MYO5C: variants seen among roughly 807,000 people sequenced by gnomAD.
MYO5C encodes the protein myosin VC.
A neutral mutation model predicts 235.7 loss-of-function variants in MYO5C; 194 were observed. That is an observed-to-expected ratio of 0.82 (90% CI 0.73 to 0.93). The LOEUF is 0.93. MYO5C is among the 40% of genes least tolerant of loss of function. MYO5C has a pLI of 0.00. For missense variants in MYO5C, 2,038 were observed against 2,127.2 expected, an observed-to-expected ratio of 0.96 and a Z score of 0.82; for synonymous variants, 707 against 754.8, an observed-to-expected ratio of 0.94 and a Z score of 1.04.
At chr15:52,291,731 G>GTGTTTTTT in intron 1 of MYO5C, among the ~76,000 whole-genome samples, 1 of 52,554 alleles carries the variant, frequency 1.9e-5, no homozygotes, top group South Asian at 9.6e-4. Flanking sequence ...CATATTTTAT[G>GTGTTTTTT]TTTTTTTTTT....
At chr15:52,252,950 T>G (rs930402626) in intron 12 of MYO5C, among the ~76,000 whole-genome samples, 2 of 152,192 alleles carry the variant, frequency 1.3e-5, no homozygotes, top group Non-Finnish European at 2.9e-5. Context: ...GATGTTGATT[T>G]TTCTTGATGA....
chr15:52,271,842 C>A lies in MYO5C; in HGVS notation c.753G>T (p.Ser251=). ...LLEKSRVVFQ[S]ENERNYHIFY... is the part of the protein sequence containing the mutation. ...AAATGTGGTAATTTCGTTCATTTTC[C>A]GACTGTAAGATAAAGAAATGTCCTC... Residue 251 remains serine, a splice_region_variant and synonymous_variant, in exon 7 of 41, where the codon TCG becomes TCT. Coordinates refer to ENST00000261839, the MANE Select transcript of MYO5C (RefSeq NM_018728.4). 6.3e-7 allele frequency: 1 copy of A among 1,581,350 alleles called. No homozygotes were observed. The highest frequency in any genetic ancestry group is 8.6e-7 in the Non-Finnish European group (1 of 1,157,656).
At position 52,239,883 on chromosome 15, in the gene MYO5C, T is replaced by C; in HGVS notation, c.2557-4A>G. 6.2e-7 allele frequency: 1 copy of C among 1,601,116 alleles called. No individual in the cohort carries two copies. Among genetic ancestry groups the C allele is most frequent in the Non-Finnish European group, 8.5e-7 (1 of 1,173,024 alleles). On this transcript the variant is annotated splice_polypyrimidine_tract_variant and splice_region_variant and intron_variant, in intron 20 of 40. Coordinates refer to ENST00000261839, the MANE Select transcript of MYO5C (RefSeq NM_018728.4). Reference sequence around the variant, plus strand: ...CAGCCTTATGTTCCTCCAGCATCTTTAAAACAAGATTTTGTGAAACATAAA... The same window carrying C: ...CAGCCTTATGTTCCTCCAGCATCTTCAAAACAAGATTTTGTGAAACATAAA...
intron 36 of MYO5C, among the ~76,000 whole-genome samples, chr15:52,207,670 T>C (rs528658701): frequency 5.9e-5 from 9 of 152,250 alleles, no homozygotes; most frequent in African/African-American, 2.2e-4. Context: ...AGAATAGGAT[T>C]GACAGATTTA....
intron 12 of MYO5C, 105 bp downstream of exon 12, chr15:52,253,212 G>GAT (rs2141336891): frequency 1.8e-6 from 2 of 1,137,670 alleles, no homozygotes; most frequent in South Asian, 2.9e-5. Context: ...CAACCAACTG[G>GAT]ATAAACATCA....
chr15:52,204,786 T>G (rs1367561533), intron 38 of MYO5C, 79 bp downstream of exon 38: 2 of 1,505,716 alleles, frequency 1.3e-6, no homozygotes, highest in Non-Finnish European at 1.8e-6. Context: ...GCAGGGAGGG[T>G]CAGGCGCGTG....
At chr15:52,241,225 G>A (rs1390810461) in intron 20 of MYO5C, among the ~76,000 whole-genome samples, 3 of 147,932 alleles carry the variant, frequency 2.0e-5, no homozygotes, top group Non-Finnish European at 4.5e-5. Flanking sequence ...GCTCTCTACA[G>A]TCTGTGGGGT....
At chr15:52,222,343 C>A (rs759481972) in intron 29 of MYO5C, among the ~76,000 whole-genome samples, 1 of 152,172 alleles carries the variant, frequency 6.6e-6, no homozygotes, top group Admixed American at 6.5e-5. Context: ...CCTGTGTCCA[C>A]CCCTGGTCCT....
Position 52,282,867 on chromosome 15 carries a change from G to A in MYO5C, c.53C>T (p.Pro18Leu), listed in dbSNP as rs200628146. 1.7e-4 allele frequency: 271 copies of A among 1,613,782 alleles called. No individual in the cohort carries two copies. Among genetic ancestry groups the A allele is most frequent in the Non-Finnish European group, 2.1e-4 (253 of 1,179,776 alleles). The change falls in exon 2 of 41, where the codon CCT (proline) becomes CTT (leucine). Residue 18 changes from proline to leucine, a missense_variant. Pro to Leu is a moderately conservative substitution (Grantham distance 98). Coordinates refer to ENST00000261839, the MANE Select transcript of MYO5C (RefSeq NM_018728.4). The stretch of plus-strand genomic sequence containing the variant: ...TTCAGCAGACTTCCAAACTTCTTCA[G>A]GATCGGGAATCCAGACCCTGTTGTA... Reference protein sequence around the residue: ...TQYNRVWIPDPEEVWKSAEIA... With the variant: ...TQYNRVWIPDLEEVWKSAEIA...
At chr15:52,293,745 G>A (rs1004451042) in intron 1 of MYO5C, among the ~76,000 whole-genome samples, 1 of 152,060 alleles carries the variant, frequency 6.6e-6, no homozygotes, top group African/African-American at 2.4e-5. Flanking sequence ...TGAGAATTCA[G>A]CTACGTGACC....
chr15:52,236,731 C>G (rs1006889315), intron 22 of MYO5C: 5 of 152,148 alleles, frequency 3.3e-5, no homozygotes, highest in Admixed American at 3.3e-4. Context: ...AGATCACCTT[C>G]TTAGAACACA....
rs1220053336 is a variant in MYO5C, at chr15:52,205,883, A to G, written c.4470T>C (p.Ser1490=). The change falls in exon 37 of 41, where the codon AGT becomes AGC. Residue 1490 remains serine, a synonymous_variant. Coordinates refer to ENST00000261839, the MANE Select transcript of MYO5C (RefSeq NM_018728.4). ...GATGATATATTCGTATAGCCACATC[A>G]CTGAGAATCTGTCTGTATTCTGAAA... The part of the protein sequence containing the change: ...FDLSEYRQIL[S]DVAIRIYHQF... The G allele has an allele frequency of 6.3e-7, 1 of 1,595,706 alleles. No individual in the cohort carries two copies. The highest frequency in any genetic ancestry group is 8.6e-7 in the Non-Finnish European group (1 of 1,167,146).
chr15:52,235,584 C>T, intron 23 of MYO5C, 86 bp downstream of exon 23: 1 of 1,021,474 alleles, frequency 9.8e-7, no homozygotes, highest in Non-Finnish European at 1.4e-6. Flanking sequence ...ACCAGAGACC[C>T]CTGGTTCTAA....
In MYO5C at chr15:52,247,479, G is replaced by A; in HGVS notation, c.1860C>T (p.Phe620=). ...KQVIKPNSKH[F]RTTVGSKFRS... ...GTACCTTGCTCCCAACTGTGGTCCG[G>A]AAATGCTTGCTGTTTGGCTTGATGA... Residue 620 remains phenylalanine, a synonymous_variant, in exon 15 of 41, where the codon TTC becomes TTT. Transcript: ENST00000261839. The A allele has an allele frequency of 6.2e-7, 1 of 1,614,136 alleles. No homozygotes were observed. Among genetic ancestry groups the A allele is most frequent in the Non-Finnish European group, 8.5e-7 (1 of 1,180,000 alleles).
intron 29 of MYO5C, among the ~76,000 whole-genome samples, chr15:52,222,718 C>T (rs1178264249): frequency 1.3e-5 from 2 of 151,996 alleles, no homozygotes; most frequent in Non-Finnish European, 2.9e-5. Context: ...TGGGTGATGG[C>T]CACAGCAGTG....
At chr15:52,266,079 C>T (rs2036804435) in intron 8 of MYO5C, among the ~76,000 whole-genome samples, 1 of 152,238 alleles carries the variant, frequency 6.6e-6, no homozygotes, top group Admixed American at 6.5e-5. Context: ...CATTCTGGCA[C>T]TCCTCCCTGC....
Position 52,261,074 on chromosome 15 carries a change from G to C in MYO5C, c.1101C>G (p.Gly367=). 2 of 1,614,198 alleles carry C rather than the reference G, an allele frequency of 1.2e-6. No individual in the cohort carries two copies. The highest frequency in any genetic ancestry group is 1.7e-6 in the Non-Finnish European group (2 of 1,180,044). The change falls in exon 10 of 41, where the codon GGC becomes GGG. Residue 367 remains glycine (G), a synonymous_variant. Transcript: ENST00000261839. ...VFCELLGLES[G]RVAQWLCNRK... Reference sequence around the variant, plus strand: ...GATTGCACAGCCACTGAGCAACTCTGCCACTCTCCAGGCCCAGGAGCTCAC... The same window carrying C: ...GATTGCACAGCCACTGAGCAACTCTCCCACTCTCCAGGCCCAGGAGCTCAC...
intron 1 of MYO5C, among the ~76,000 whole-genome samples, chr15:52,287,030 G>A (rs1355549466): frequency 6.6e-6 from 1 of 150,538 alleles, no homozygotes; most frequent in Non-Finnish European, 1.5e-5. Context: ...ACTAGACTAG[G>A]ACAATGCTGG....
At chr15:52,287,218 G>T (rs927831159) in intron 1 of MYO5C, among the ~76,000 whole-genome samples, 35 of 152,276 alleles carry the variant, frequency 2.3e-4, no homozygotes, top group Admixed American at 2.1e-3. Context: ...AGTTTTGAGA[G>T]AACGAGAATG....
Sources: allele counts gnomAD v4.1 joint callset (sites outside exome capture counted in the v4.1 genomes callset), GRCh38; gene constraint gnomAD v4.1.1; transcripts MANE v1.5; gene names NCBI Gene and HGNC (gene_info 2026-07-23, HGNC 2026-07-21).